CLMP: variants seen among roughly 807,000 people sequenced by gnomAD.
CLMP encodes the protein CXADR like cell adhesion molecule.
Under a neutral mutation model 45.2 loss-of-function variants are expected in CLMP, and 27 were observed. The observed-to-expected ratio is 0.60, with a 90% CI of 0.44 to 0.82. The LOEUF is 0.82. CLMP is among the 40% of genes least tolerant of loss of function. CLMP has a pLI of 0.00. For synonymous variants in CLMP, 167 were observed against 171.4 expected (o/e 0.97, Z 0.20); for missense variants, 403 against 448.4 (o/e 0.90, Z 0.91).
At chr11:123,140,507 G>A (rs111885299) in intron 1 of CLMP, among the ~76,000 whole-genome samples, 3 of 148,544 alleles carry the variant, frequency 2.0e-5, no homozygotes, top group Non-Finnish European at 2.9e-5. Flanking sequence ...ATGACAATGT[G>A]GGGGGGTGTC....
chr11:123,165,553 T>C (rs1861545332), intron 1 of CLMP, among the ~76,000 whole-genome samples: 1 of 152,144 alleles, frequency 6.6e-6, no homozygotes, highest in African/African-American at 2.4e-5. Context: ...TCCTGGCAGG[T>C]GCACAAAGGT....
chr11:123,136,663 G>A (rs1428913568), intron 1 of CLMP, among the ~76,000 whole-genome samples: 1 of 147,002 alleles, frequency 6.8e-6, no homozygotes, highest in East Asian at 2.0e-4. Flanking sequence ...CGCCTCCCAG[G>A]TTCAAGCGAT....
chr11:123,192,617 A>G (rs7129640), intron 1 of CLMP, among the ~76,000 whole-genome samples: 94,422 of 151,894 alleles, frequency 0.62, 29,787 homozygotes, highest in African/African-American at 0.72. Flanking sequence ...GCTGAGCTGG[A>G]GCTCCTTCTC....
chr11:123,137,529 G>T (rs1454063424), intron 1 of CLMP, among the ~76,000 whole-genome samples: 1 of 152,064 alleles, frequency 6.6e-6, no homozygotes, highest in Non-Finnish European at 1.5e-5. Flanking sequence ...TGGACCATCT[G>T]CTCACTGTTT....
At chr11:123,137,147 CTTTTTTT>C (rs375816483) in intron 1 of CLMP, among the ~76,000 whole-genome samples, 12 of 82,466 alleles carry the variant, frequency 1.5e-4, no homozygotes, top group East Asian at 1.1e-3. Flanking sequence ...TTTTCTTTTT[CTTTTTTT>C]TTTTTTTTTT....
In CLMP at chr11:123,189,168, A is replaced by G. The variant is rs111404224; in HGVS notation, c.28+5745T>C. ...TTAACCATTGGAATGGAGTGGGGGA[A>G]GGGGATGGGTAATAAATGTTTAGCA... On this transcript the variant is annotated intron_variant, in intron 1 of 6. Coordinates refer to ENST00000448775, the MANE Select transcript of CLMP (RefSeq NM_024769.5). Among the ~76,000 whole-genome samples the G allele has an allele frequency of 5.0e-3, 758 of 152,316 alleles. 6 individuals are homozygous for G. Among genetic ancestry groups the G allele is most frequent in the African/African-American group, 0.016 (669 of 41,572 alleles).
At chr11:123,167,843 G>T (rs1292357676) in intron 1 of CLMP, among the ~76,000 whole-genome samples, 1 of 152,190 alleles carries the variant, frequency 6.6e-6, no homozygotes, top group African/African-American at 2.4e-5. Flanking sequence ...CCCTAGTTGG[G>T]AACATGCCTC....
At chr11:123,180,208 GAT>G (rs1246310624) in intron 1 of CLMP, among the ~76,000 whole-genome samples, 3 of 152,322 alleles carry the variant, frequency 2.0e-5, no homozygotes, top group African/African-American at 7.2e-5. Flanking sequence ...TGAAGTAAAT[GAT>G]ATAGACGAAG....
intron 1 of CLMP, among the ~76,000 whole-genome samples, chr11:123,172,524 C>T (rs1861649834): frequency 6.6e-6 from 1 of 152,142 alleles, no homozygotes; most frequent in Non-Finnish European, 1.5e-5. Flanking sequence ...CTCAGTCATC[C>T]AGGCTGTAGT....
rs1287557491 is a variant in CLMP, at chr11:123,072,662, C to T, written c.*812G>A. 2.0e-5 allele frequency: 3 copies of T among 152,102 alleles called. No homozygotes were observed. Among genetic ancestry groups the T allele is most frequent in the African/African-American group, 7.2e-5 (3 of 41,438 alleles). 9.4% of individuals were successfully genotyped at this position (152,102 alleles called of 1,614,324 possible). ...TTCCAGAAATATCTAGCAGGAAAGT[C>T]CTTAGAGGCATCTGATTTGAGGGGA... On this transcript the variant is annotated 3_prime_UTR_variant, in exon 7 of 7. Coordinates refer to ENST00000448775, the MANE Select transcript of CLMP (RefSeq NM_024769.5).
intron 1 of CLMP, among the ~76,000 whole-genome samples, chr11:123,181,419 G>A (rs192625533): frequency 3.3e-5 from 5 of 152,226 alleles, no homozygotes; most frequent in Admixed American, 6.5e-5. Flanking sequence ...GATTGCTTTC[G>A]CCTCATGGTA....
intron 1 of CLMP, among the ~76,000 whole-genome samples, chr11:123,113,682 A>G (rs1860675624): frequency 6.6e-6 from 1 of 152,160 alleles, no homozygotes. Flanking sequence ...GTAATAAAAC[A>G]TACTGTGCCT....
At chr11:123,137,147 C>CTTTTTTTTTTTTTTTTT (rs375816483) in intron 1 of CLMP, among the ~76,000 whole-genome samples, 78 of 82,472 alleles carry the variant, frequency 9.5e-4, no homozygotes, top group Non-Finnish European at 1.2e-3. Flanking sequence ...TTTTCTTTTT[C>CTTTTTTTTTTTTTTTTT]TTTTTTTTTT....
intron 1 of CLMP, among the ~76,000 whole-genome samples, chr11:123,110,721 T>G (rs959422752): frequency 3.3e-5 from 5 of 151,886 alleles, no homozygotes; most frequent in Non-Finnish European, 7.4e-5. Flanking sequence ...TCCCAGTCTG[T>G]GGGTTAGTTT....
At chr11:123,106,145 A>G (rs200922713) in intron 1 of CLMP, among the ~76,000 whole-genome samples, 1 of 146,166 alleles carries the variant, frequency 6.8e-6, no homozygotes, top group East Asian at 2.0e-4. Context: ...ATTTTATTCT[A>G]TTTTTTTTTT....
At chr11:123,168,642 T>C (rs1591484996) in intron 1 of CLMP, among the ~76,000 whole-genome samples, 1 of 152,000 alleles carries the variant, frequency 6.6e-6, no homozygotes, top group Non-Finnish European at 1.5e-5. Context: ...AAAAGCCACC[T>C]CCTCCAAGAA....
intron 1 of CLMP, among the ~76,000 whole-genome samples, chr11:123,172,764 G>A (rs529628421): frequency 6.6e-6 from 1 of 152,330 alleles, no homozygotes; most frequent in East Asian, 1.9e-4. Context: ...AGGATTACAG[G>A]TGTGAGCCAC....
intron 3 of CLMP, 30 bp from the exon 4 acceptor site, chr11:123,083,877 A>G: frequency 6.2e-7 from 1 of 1,607,974 alleles, no homozygotes; most frequent in Non-Finnish European, 8.5e-7. Context: ...GCAAAAGTGT[A>G]GTGATTCAAA....
chr11:123,176,369 T>A (rs527533076), intron 1 of CLMP, among the ~76,000 whole-genome samples: 2 of 152,340 alleles, frequency 1.3e-5, no homozygotes, highest in Admixed American at 6.5e-5. Context: ...GTATTTGAAA[T>A]CACACTTTGA....
Sources: gnomAD v4.1 joint callset for allele counts (sites outside exome capture counted in the v4.1 genomes callset) on GRCh38, gnomAD v4.1.1 for gene constraint, MANE v1.5 for transcripts, NCBI Gene and HGNC (gene_info 2026-07-23, HGNC 2026-07-21) for gene names.